The following ATP6V0A1 variants were observed in gnomAD, a reference collection of about 807,000 sequenced individuals.
ATP6V0A1 encodes the protein V-type proton ATPase 116 kDa subunit a 1.
ATP6V0A1 carries 43 observed loss-of-function variants against 105.4 expected under a neutral mutation model. The observed-to-expected ratio is 0.41, with a 90% CI of 0.32 to 0.53. The LOEUF is 0.53. ATP6V0A1 is among the 20% of genes least tolerant of loss of function. The probability of loss-of-function intolerance (pLI) is 0.30; values close to 1 mark genes in which losing one functional copy is unlikely to be tolerated. For missense variants in ATP6V0A1, 676 were observed against 1,051.1 expected (o/e 0.64, Z 4.93); for synonymous variants, 362 against 372.8 (o/e 0.97, Z 0.33).
In ATP6V0A1 at chr17:42,483,106, A is replaced by T; in HGVS notation, c.785A>T (p.Asn262Ile). 1 of 1,550,188 alleles carries T rather than the reference A, an allele frequency of 6.5e-7. No homozygotes were observed. The highest frequency in any genetic ancestry group is 1.3e-5 in the South Asian group (1 of 79,996). ...AGGAAGGAAATGGCTTCTGGAGTGA[A>T]TACCAGGATTGATGATCTCCAAATG... Reference protein sequence around the residue: ...QERKEMASGVNTRIDDLQMVL... With the variant: ...QERKEMASGVITRIDDLQMVL... The change falls in exon 9 of 22, where the codon AAT becomes ATT. Residue 262 changes from asparagine to isoleucine, a missense_variant. Around this residue, in one of 3 missense-constraint regions of ATP6V0A1, gnomAD observed 239 missense variants for 388.4 expected, o/e 0.62. Transcript: ENST00000343619.
chr17:42,497,192 C>A (rs1428050151), intron 14 of ATP6V0A1, among the ~76,000 whole-genome samples: 1 of 148,420 alleles, frequency 6.7e-6, no homozygotes, highest in Non-Finnish European at 1.5e-5. Flanking sequence ...AGTCCTAAGG[C>A]AGGAGGCTAA....
intron 21 of ATP6V0A1, 94 bp downstream of exon 21, chr17:42,514,554 C>T: frequency 7.7e-7 from 1 of 1,303,798 alleles, no homozygotes; most frequent in Non-Finnish European, 1.0e-6. Flanking sequence ...CCCTGCAGCT[C>T]TGTGCAGGAA....
chr17:42,501,389 T>G, intron 17 of ATP6V0A1, 85 bp downstream of exon 17: 1 of 985,622 alleles, frequency 1.0e-6, no homozygotes, highest in African/African-American at 1.6e-5. Context: ...TAATTAATTG[T>G]GCACAAATCT....
Position 42,491,468 on chromosome 17 carries a change from G to A in ATP6V0A1, c.1174+831G>A, listed in dbSNP as rs865874972. On this transcript the variant is annotated intron_variant, in intron 11 of 21. Transcript: ENST00000343619. ...TGGGACTACAGGCACCCGCCACCAT[G>A]CCCGGCTAATTTTTTTTTTATTTTT... 7.9e-5 allele frequency among the ~76,000 whole-genome samples: 12 copies of A among 151,820 alleles called. No individual in the cohort carries two copies. The Middle Eastern group carries it at 0.01, about 129-fold the overall frequency.
chr17:42,509,193 C>A (rs2092213860), intron 19 of ATP6V0A1, among the ~76,000 whole-genome samples: 1 of 152,066 alleles, frequency 6.6e-6, no homozygotes, highest in Non-Finnish European at 1.5e-5. Context: ...AGGAAATAAT[C>A]CATCTGTGTG....
rs369750369 is a variant in ATP6V0A1, at chr17:42,521,158, C to A, written c.*38C>A. 10 of 1,529,398 alleles carry A rather than the reference C, an allele frequency of 6.5e-6. No homozygotes were observed. The highest frequency in any genetic ancestry group is 8.9e-6 in the Non-Finnish European group (10 of 1,121,640). 94.7% of individuals were successfully genotyped at this position (1,529,398 alleles called of 1,614,324 possible). On this transcript the variant is annotated 3_prime_UTR_variant, in exon 22 of 22. Transcript: ENST00000343619. This position sits in a 1 kb window ranked among gnomAD's most constrained non-coding sequence, Gnocchi z 4.8. ...GCCGTGTGCCCCATGCTACCCTCCC[C>A]GCCTCCCTCCACAGTGATCAGCTGT...
rs778310261 is a variant in ATP6V0A1, at chr17:42,507,534, T to C, written c.2019T>C (p.Phe673=). Residue 673 remains phenylalanine (F), a synonymous_variant, in exon 18 of 22, where the codon TTT becomes TTC. Transcript: ENST00000343619. ...CATCTGTGTAGGGAACTCTCAACTTTGGTGGGATCAGGGTGGGCAACGGAC... is the reference window on the plus strand; with the variant it reads ...CATCTGTGTAGGGAACTCTCAACTTCGGTGGGATCAGGGTGGGCAACGGAC... ...LRRKHLGTLN[F]GGIRVGNGPT... is the part of the protein sequence containing the mutation. The C allele has an allele frequency of 2.5e-5, 40 of 1,612,172 alleles. No homozygotes were observed. The highest frequency in any genetic ancestry group is 4.0e-5 in the African/African-American group (3 of 74,778).
intron 9 of ATP6V0A1, 126 bp from the exon 10 acceptor site, chr17:42,487,029 C>A: frequency 2.3e-6 from 2 of 882,124 alleles, no homozygotes; most frequent in Non-Finnish European, 3.6e-6. Context: ...ACCATTCTAG[C>A]CAGAGGAAGA....
chr17:42,480,741 C>A lies in ATP6V0A1; in HGVS notation c.708C>A (p.Ile236=), dbSNP rs1213822002. ...AGCTGAAAAACAGAGTCAAGAAAAT[C>A]TGTGAAGGGTAAGAGAGGCATGCCT... ...GDQLKNRVKK[I]CEGFRASLYP... Residue 236 remains isoleucine, a synonymous_variant, in exon 8 of 22, where the codon ATC becomes ATA. Transcript: ENST00000343619. 6.2e-7 allele frequency: 1 copy of A among 1,613,592 alleles called. No homozygotes were observed. Among genetic ancestry groups the A allele is most frequent in the Non-Finnish European group, 8.5e-7 (1 of 1,179,804 alleles).
intron 19 of ATP6V0A1, chr17:42,511,589 G>A (rs935099798): frequency 6.6e-6 from 1 of 152,386 alleles, no homozygotes; most frequent in Non-Finnish European, 1.5e-5. Flanking sequence ...GGAAAACCAA[G>A]GGATGGCAGG....
intron 15 of ATP6V0A1, among the ~76,000 whole-genome samples, chr17:42,499,645 G>A (rs937739054): frequency 6.0e-5 from 9 of 150,274 alleles, no homozygotes; most frequent in African/African-American, 2.2e-4. Context: ...AAAATTAGCC[G>A]GGTGTGGTGG....
chr17:42,490,715 G>A (rs965516928), intron 11 of ATP6V0A1, 78 bp downstream of exon 11: 21 of 1,447,892 alleles, frequency 1.5e-5, no homozygotes, highest in Non-Finnish European at 2.0e-5. Flanking sequence ...TTGAGACAGA[G>A]TCTCCCTCTG....
chr17:42,513,369 A>G (rs1252880369), intron 19 of ATP6V0A1: 1 of 153,294 alleles, frequency 6.5e-6, no homozygotes, highest in Non-Finnish European at 1.5e-5. Context: ...TAAAGTGGCC[A>G]TAGAGGCCTA....
At chr17:42,478,404 T>C in intron 6 of ATP6V0A1, 59 bp from the exon 7 acceptor site, 13 of 1,356,218 alleles carry the variant, frequency 9.6e-6, no homozygotes, top group Non-Finnish European at 1.3e-5. Flanking sequence ...AGACTTGTAT[T>C]AAAACCTTCC....
chr17:42,486,034 G>T (rs900091891), intron 9 of ATP6V0A1, among the ~76,000 whole-genome samples: 2 of 152,202 alleles, frequency 1.3e-5, no homozygotes, highest in Non-Finnish European at 2.9e-5. Context: ...TTGAAGAATT[G>T]TCTATGATGG....
intron 5 of ATP6V0A1, among the ~76,000 whole-genome samples, chr17:42,477,106 G>A (rs2088850967): frequency 6.6e-6 from 1 of 152,190 alleles, no homozygotes; most frequent in African/African-American, 2.4e-5. Flanking sequence ...AGACTTCACA[G>A]CATTCAAAGA....
At chr17:42,471,991 A>T (rs1355394942) in intron 5 of ATP6V0A1, among the ~76,000 whole-genome samples, 1 of 151,650 alleles carries the variant, frequency 6.6e-6, no homozygotes, top group African/African-American at 2.4e-5. Flanking sequence ...CCTTCCCATA[A>T]AGTTCTTTCA....
At chr17:42,460,702 A>G (rs1170834172) in intron 1 of ATP6V0A1, 146 bp from the exon 2 acceptor site, 2 of 506,876 alleles carry the variant, frequency 3.9e-6, no homozygotes, top group African/African-American at 1.9e-5. Context: ...TCTCCTTTCC[A>G]TCTTTCTAGA....
At chr17:42,480,907 G>C in intron 8 of ATP6V0A1, 158 bp downstream of exon 8, 1 of 598,738 alleles carries the variant, frequency 1.7e-6, no homozygotes, top group Non-Finnish European at 2.7e-6. Context: ...GAAATAGCCT[G>C]CATTCATTTT....
Sources: gnomAD v4.1 joint callset for allele counts (sites outside exome capture counted in the v4.1 genomes callset) on GRCh38, gnomAD v4.1.1 for gene constraint, gnomAD v4.1.1 regional missense constraint, Gnocchi (gnomAD v3.1) non-coding constraint, MANE v1.5 for transcripts, NCBI Gene and HGNC (gene_info 2026-07-23, HGNC 2026-07-21) for gene names.